The following PLPPR1 variants were observed in gnomAD, a reference collection of about 807,000 sequenced individuals.
PLPPR1 encodes the protein phospholipid phosphatase related 1.
Under a neutral mutation model 33.1 loss-of-function variants are expected in PLPPR1, and 10 were observed. The ratio of observed to expected loss-of-function variants is 0.30; its 90% confidence interval spans 0.19 to 0.51. The LOEUF is 0.51. PLPPR1 is among the 20% of genes least tolerant of loss of function. The pLI, the probability that PLPPR1 is intolerant of heterozygous loss-of-function variation, is 0.97. For synonymous variants in PLPPR1, 151 were observed against 151.0 expected, an observed-to-expected ratio of 1.00 and a Z score of 0.00; for missense variants, 304 against 408.1, an observed-to-expected ratio of 0.74 and a Z score of 2.20.
chr9:101,135,578 G>C (rs1831368820), intron 1 of PLPPR1, among the ~76,000 whole-genome samples: 1 of 152,140 alleles, frequency 6.6e-6, no homozygotes, highest in African/African-American at 2.4e-5. Context: ...GAGGCTCTCA[G>C]GATTGCTCTC....
At chr9:101,268,264 AT>A (rs1206886317) in intron 2 of PLPPR1, among the ~76,000 whole-genome samples, 5 of 151,646 alleles carry the variant, frequency 3.3e-5, no homozygotes, top group South Asian at 2.1e-4. Context: ...CATAAAAAAA[AT>A]AAAATCTTTG....
chr9:101,048,316 A>T (rs1180389718), intron 1 of PLPPR1, among the ~76,000 whole-genome samples: 1 of 152,226 alleles, frequency 6.6e-6, no homozygotes, highest in African/African-American at 2.4e-5. Flanking sequence ...CACTGGGAAG[A>T]CAAAAGGCAT....
chr9:101,085,865 G>A (rs1216484845), intron 1 of PLPPR1, among the ~76,000 whole-genome samples: 2 of 152,002 alleles, frequency 1.3e-5, no homozygotes, highest in African/African-American at 2.4e-5. Flanking sequence ...ATGGACCGGG[G>A]GGGGCTCTAC....
At position 101,058,129 on chromosome 9, in the gene PLPPR1, A is replaced by G. The variant is rs986873852; in HGVS notation, c.-46+29027A>G. Among the ~76,000 whole-genome samples the G allele has an allele frequency of 3.0e-4, 46 of 152,248 alleles. 1 individual carries two copies. The highest frequency in any genetic ancestry group is 1.1e-3 in the African/African-American group (45 of 41,554). On this transcript the variant is annotated intron_variant, in intron 1 of 7. Coordinates refer to ENST00000374874, the MANE Select transcript of PLPPR1 (RefSeq NM_207299.2). Reference sequence around the variant, plus strand: ...CATGGTTTTGTGAGCACTGAGATACATCATACTTGGCATGACTATTCTATA... The same window carrying G: ...CATGGTTTTGTGAGCACTGAGATACGTCATACTTGGCATGACTATTCTATA...
chr9:101,044,649 A>G (rs992513211), intron 1 of PLPPR1, among the ~76,000 whole-genome samples: 17 of 152,224 alleles, frequency 1.1e-4, no homozygotes, highest in Admixed American at 2.0e-4. Context: ...AAAGGAGATG[A>G]AGTAACTCTT....
In PLPPR1 at chr9:101,153,331, A is replaced by G. The variant is rs551379580; in HGVS notation, c.-45-32119A>G. ...GGTTTTCTAAATATATAATCATGTC[A>G]TCTGCAAACAGGGACAATTTGACTT... On this transcript the variant is annotated intron_variant, in intron 1 of 7. Transcript: ENST00000374874. Among the ~76,000 whole-genome samples the G allele has an allele frequency of 3.9e-5, 6 of 152,310 alleles. No homozygotes were observed. In the South Asian group the frequency reaches 1.2e-3, roughly 32 times the overall value.
At chr9:101,124,247 G>A (rs1831214760) in intron 1 of PLPPR1, among the ~76,000 whole-genome samples, 1 of 152,022 alleles carries the variant, frequency 6.6e-6, no homozygotes, top group Non-Finnish European at 1.5e-5. Flanking sequence ...TTTTTCAAGA[G>A]GACCCTTAAT....
intron 2 of PLPPR1, among the ~76,000 whole-genome samples, chr9:101,193,382 T>G (rs181890059): frequency 6.6e-6 from 1 of 152,090 alleles, no homozygotes; most frequent in African/African-American, 2.4e-5. Flanking sequence ...AATCTGACTC[T>G]GGGAGTGGGG....
Position 101,033,726 on chromosome 9 carries a change from T to C in PLPPR1, c.-46+4624T>C, listed in dbSNP as rs1036477295. On this transcript the variant is annotated intron_variant, in intron 1 of 7. Coordinates refer to ENST00000374874, the MANE Select transcript of PLPPR1 (RefSeq NM_207299.2). The stretch of plus-strand genomic sequence containing the variant: ...CCTCCACGTGGAATCCTATTTAATC[T>C]TGACAACACCTATGACTCCTATTCC... Among the ~76,000 whole-genome samples, 15 of 152,272 alleles carry C rather than the reference T, an allele frequency of 9.9e-5. 1 individual carries two copies. The highest frequency in any genetic ancestry group is 1.7e-4 in the African/African-American group (7 of 41,578).
intron 1 of PLPPR1, among the ~76,000 whole-genome samples, chr9:101,070,003 C>T (rs1361424414): frequency 6.6e-6 from 1 of 152,120 alleles, no homozygotes; most frequent in East Asian, 1.9e-4. Flanking sequence ...AGAGTACATA[C>T]TATCAATGTG....
At chr9:101,076,383 T>A (rs1215821999) in intron 1 of PLPPR1, among the ~76,000 whole-genome samples, 1 of 152,202 alleles carries the variant, frequency 6.6e-6, no homozygotes, top group Non-Finnish European at 1.5e-5. Flanking sequence ...ATGGGCATAT[T>A]GGTACTTACT....
chr9:101,246,091 T>TAGATAG lies in PLPPR1; in HGVS notation c.64-23788_64-23787insGATAGA, dbSNP rs1479286575. On this transcript the variant is annotated intron_variant, in intron 2 of 7. Coordinates refer to ENST00000374874, the MANE Select transcript of PLPPR1 (RefSeq NM_207299.2). ...ATATATATATATATATATATATATA[T>TAGATAG]ATATATATATATATATATAGATAGA... Among the ~76,000 whole-genome samples the TAGATAG allele has an allele frequency of 1.1e-3, 117 of 110,082 alleles. 2 individuals carry two copies. The highest frequency in any genetic ancestry group is 2.6e-3 in the African/African-American group (83 of 32,120). The allele number at this position is 110,082 out of a possible 152,430, so 72.2% of individuals were successfully genotyped here.
At chr9:101,038,171 T>C (rs1399951548) in intron 1 of PLPPR1, among the ~76,000 whole-genome samples, 1 of 152,162 alleles carries the variant, frequency 6.6e-6, no homozygotes, top group African/African-American at 2.4e-5. Flanking sequence ...ATTATTTTAC[T>C]ATTTACTTTT....
intron 4 of PLPPR1, among the ~76,000 whole-genome samples, chr9:101,294,212 TA>T (rs1367441182): frequency 6.6e-6 from 1 of 151,918 alleles, no homozygotes; most frequent in East Asian, 1.9e-4. Context: ...AAGAAATGGA[TA>T]AATTCCTCGA....
chr9:101,210,035 A>C (rs2118765193), intron 2 of PLPPR1, among the ~76,000 whole-genome samples: 1 of 152,290 alleles, frequency 6.6e-6, no homozygotes, highest in South Asian at 2.1e-4. Context: ...TTTCCTTCAG[A>C]TGTAGGATTA....
rs368963939 is a variant in PLPPR1, at chr9:101,317,373, T to C, written c.822T>C (p.Cys274=). ...TCCCCCTCATCCTGCAGGGAATGTG[T>C]GTGGTTCATAACTTTAAAGGAACGC... ...GTAVALFLGM[C]VVHNFKGTQG... is the part of the protein sequence containing the mutation. Residue 274 remains cysteine (C), a synonymous_variant, in exon 7 of 8, where the codon TGT becomes TGC. Transcript: ENST00000374874. The C allele has an allele frequency of 2.5e-6, 4 of 1,613,668 alleles. No homozygotes were observed. Among genetic ancestry groups the C allele is most frequent in the Non-Finnish European group, 3.4e-6 (4 of 1,179,876 alleles).
intron 2 of PLPPR1, among the ~76,000 whole-genome samples, chr9:101,250,828 A>C (rs918418460): frequency 6.6e-6 from 1 of 152,004 alleles, no homozygotes; most frequent in Non-Finnish European, 1.5e-5. Context: ...TGGGGACTAA[A>C]CTGTGGCAAG....
At chr9:101,098,065 A>G (rs546863108) in intron 1 of PLPPR1, among the ~76,000 whole-genome samples, 3 of 152,040 alleles carry the variant, frequency 2.0e-5, no homozygotes, top group African/African-American at 2.4e-5. Context: ...TAGAGCATCA[A>G]TGCATAGATT....
intron 1 of PLPPR1, among the ~76,000 whole-genome samples, chr9:101,118,490 A>ACT (rs1169797709): frequency 2.0e-5 from 3 of 150,666 alleles, no homozygotes; most frequent in South Asian, 2.1e-4. Context: ...GATATCTGGA[A>ACT]CTCTCTCTCT....
Sources: gnomAD v4.1 joint callset for allele counts (sites outside exome capture counted in the v4.1 genomes callset) on GRCh38, gnomAD v4.1.1 for gene constraint, MANE v1.5 for transcripts, NCBI Gene and HGNC (gene_info 2026-07-23, HGNC 2026-07-21) for gene names.